Variants in IL1RAPL1 observed in about 807,000 individuals in gnomAD.
IL1RAPL1 encodes the protein interleukin 1 receptor accessory protein like 1.
Under a neutral mutation model 48.4 loss-of-function variants are expected in IL1RAPL1, and 3 were observed. The observed-to-expected ratio is 0.06, with a 90% CI of 0.03 to 0.16. The LOEUF is 0.16. Among genes scored for constraint, IL1RAPL1 ranks in the 10% least tolerant of loss-of-function variants. The pLI is 1.00. For synonymous variants in IL1RAPL1, 185 were observed against 187.7 expected (o/e 0.99, Z 0.12); for missense variants, 349 against 530.6 (o/e 0.66, Z 3.36).
At chrX:29,557,638 C>G (rs1390765931) in intron 5 of IL1RAPL1, among the ~76,000 whole-genome samples, 1 of 111,432 alleles carries the variant, frequency 9.0e-6, no homozygotes, top group African/African-American at 3.3e-5. Context: ...TACTGCATCA[C>G]TGAAACTTTG....
intron 1 of IL1RAPL1, among the ~76,000 whole-genome samples, chrX:28,738,693 A>T (rs1484695816): frequency 9.0e-6 from 1 of 111,529 alleles, no homozygotes; most frequent in Non-Finnish European, 1.9e-5. Flanking sequence ...TAGGGTAAGA[A>T]AGAGGGAGGT....
intron 5 of IL1RAPL1, among the ~76,000 whole-genome samples, chrX:29,657,859 A>G (rs931770332): frequency 9.6e-6 from 1 of 104,615 alleles, no homozygotes; most frequent in African/African-American, 3.5e-5. Context: ...TTGCCTGTCA[A>G]TAGAAGTGAA....
intron 5 of IL1RAPL1, among the ~76,000 whole-genome samples, chrX:29,424,525 A>G (rs1489438594): frequency 9.0e-6 from 1 of 111,568 alleles, no homozygotes; most frequent in Non-Finnish European, 1.9e-5. Context: ...TTTAAGAAGC[A>G]TTATATTCTG....
chrX:28,711,768 TAATA>T (rs1288402813), intron 1 of IL1RAPL1, among the ~76,000 whole-genome samples: 1 of 107,387 alleles, frequency 9.3e-6, no homozygotes, highest in East Asian at 2.8e-4. Context: ...ATTATATATA[TAATA>T]AATGTATATA....
chrX:28,679,555 TCTC>T (rs777123032), intron 1 of IL1RAPL1, among the ~76,000 whole-genome samples: 2 of 111,664 alleles, frequency 1.8e-5, no homozygotes, highest in Non-Finnish European at 3.8e-5. Flanking sequence ...TCAAGAAACT[TCTC>T]CTCTGTTTTC....
chrX:28,986,602 C>T (rs941662034), intron 2 of IL1RAPL1, among the ~76,000 whole-genome samples: 2 of 111,938 alleles, frequency 1.8e-5, no homozygotes, highest in Admixed American at 9.5e-5. Context: ...CTTGTGTAGA[C>T]AGAAATAAAG....
intron 2 of IL1RAPL1, among the ~76,000 whole-genome samples, chrX:29,071,540 C>T (rs760212056): frequency 8.9e-6 from 1 of 111,781 alleles, no homozygotes; most frequent in East Asian, 2.8e-4. Flanking sequence ...TTCATTTTCA[C>T]TCAATTGAAA....
At chrX:28,764,818 A>ACAC (rs1555921193) in intron 1 of IL1RAPL1, among the ~76,000 whole-genome samples, 65 of 107,240 alleles carry the variant, frequency 6.1e-4, no homozygotes, top group Admixed American at 8.1e-4. Context: ...CATGCACGCA[A>ACAC]ACACACACAC....
intron 5 of IL1RAPL1, among the ~76,000 whole-genome samples, chrX:29,628,713 G>A (rs994373378): frequency 3.4e-4 from 38 of 112,090 alleles, no homozygotes; most frequent in African/African-American, 1.2e-3. Context: ...ATCCCGTTGG[G>A]TTACTAGCTT....
intron 2 of IL1RAPL1, among the ~76,000 whole-genome samples, chrX:29,270,872 T>C (rs1411575277): frequency 8.9e-6 from 1 of 111,942 alleles, no homozygotes; most frequent in African/African-American, 3.2e-5. Context: ...TTTAAACTTC[T>C]GTTTTACATT....
At chrX:29,802,781 A>G (rs1347153009) in intron 6 of IL1RAPL1, among the ~76,000 whole-genome samples, 92 of 32,606 alleles carry the variant, frequency 2.8e-3, no homozygotes, top group South Asian at 0.017. Flanking sequence ...ATATATATAT[A>G]TGTGTGTGTG....
rs377402546 is a variant in IL1RAPL1, at chrX:28,689,035, G to A, written c.-24-100285G>A. On this transcript the variant is annotated intron_variant, in intron 1 of 10. Transcript: ENST00000378993. ...TTATATATGTTAGGGAAGAAAATAA[G>A]GGCCTTTAATCATGAATATGTCCTA... 3.6e-5 allele frequency among the ~76,000 whole-genome samples: 4 copies of A among 111,252 alleles called. No individual in the cohort carries two copies. In the East Asian group the frequency reaches 1.1e-3, roughly 31 times the overall value.
intron 6 of IL1RAPL1, among the ~76,000 whole-genome samples, chrX:29,879,924 C>A (rs1355723452): frequency 2.7e-5 from 3 of 111,126 alleles, no homozygotes; most frequent in Non-Finnish European, 5.7e-5. Context: ...TGCCTAAGAG[C>A]CTCTCTTTGC....
At chrX:29,360,371 G>A (rs1008135914) in intron 3 of IL1RAPL1, among the ~76,000 whole-genome samples, 1 of 111,664 alleles carries the variant, frequency 9.0e-6, no homozygotes, top group African/African-American at 3.3e-5. Context: ...ATGATTCAGG[G>A]TTTCGTAAAT....
chrX:28,734,955 G>A (rs1381707485), intron 1 of IL1RAPL1, among the ~76,000 whole-genome samples: 1 of 111,717 alleles, frequency 9.0e-6, no homozygotes, highest in Non-Finnish European at 1.9e-5. Flanking sequence ...TGCTACTTTC[G>A]TTTGCTAATA....
chrX:29,632,651 C>T (rs1463602545), intron 5 of IL1RAPL1, among the ~76,000 whole-genome samples: 1 of 112,018 alleles, frequency 8.9e-6, no homozygotes, highest in African/African-American at 3.2e-5. Context: ...GTCTTGTTAG[C>T]TTTGTCATCT....
chrX:29,603,984 G>A (rs777448379), intron 5 of IL1RAPL1, among the ~76,000 whole-genome samples: 1 of 112,108 alleles, frequency 8.9e-6, no homozygotes, highest in African/African-American at 3.2e-5. Context: ...ACAACTCTTT[G>A]AAGTACTCTA....
chrX:29,450,183 C>T (rs2030285961), intron 5 of IL1RAPL1, among the ~76,000 whole-genome samples: 1 of 111,721 alleles, frequency 9.0e-6, no homozygotes, highest in Admixed American at 9.5e-5. Context: ...CAAGTAGGGA[C>T]ATTTAGCTAA....
intron 5 of IL1RAPL1, among the ~76,000 whole-genome samples, chrX:29,573,273 C>A (rs756148513): frequency 1.2e-4 from 13 of 112,426 alleles, no homozygotes; most frequent in Non-Finnish European, 2.1e-4. Flanking sequence ...AGGGACACAA[C>A]ATTCAGACCA....
Sources: allele counts gnomAD v4.1 joint callset (sites outside exome capture counted in the v4.1 genomes callset), GRCh38; gene constraint gnomAD v4.1.1; transcripts MANE v1.5; gene names NCBI Gene and HGNC (gene_info 2026-07-23, HGNC 2026-07-21).